Variants in FAM20C observed in about 807,000 individuals in gnomAD.
FAM20C encodes extracellular serine/threonine protein kinase FAM20C.
FAM20C carries 40 observed loss-of-function variants against 51.5 expected under a neutral mutation model. The observed-to-expected ratio is 0.78, with a 90% CI of 0.60 to 1.01. The LOEUF (loss-of-function observed/expected upper bound fraction) is 1.01, where lower values mean the gene tolerates loss of function less well. Among genes scored for constraint, FAM20C ranks in the 50% least tolerant of loss-of-function variants. The probability of loss-of-function intolerance (pLI) is 0.00; values close to 1 mark genes in which losing one functional copy is unlikely to be tolerated. For missense variants in FAM20C, 861 were observed against 844.7 expected (o/e 1.02, Z -0.24); for synonymous variants, 406 against 380.6 (o/e 1.07, Z -0.78).
intron 3 of FAM20C, among the ~76,000 whole-genome samples, chr7:212,184 C>T (rs564056923): frequency 1.3e-5 from 2 of 152,362 alleles, no homozygotes; most frequent in East Asian, 1.9e-4. Context: ...CTTTAAAGGC[C>T]GGGCACACTG....
At chr7:258,165 GTGGACCCA>G (rs1788697426) in intron 8 of FAM20C, among the ~76,000 whole-genome samples, 3 of 120,434 alleles carry the variant, frequency 2.5e-5, no homozygotes, top group East Asian at 2.5e-4. Flanking sequence ...GATAGGCAGG[GTGGACCCA>G]CTGCCTGAGG....
chr7:249,764 T>C (rs1788323772), intron 5 of FAM20C, among the ~76,000 whole-genome samples: 1 of 152,048 alleles, frequency 6.6e-6, no homozygotes, highest in Admixed American at 6.5e-5. Flanking sequence ...GAAAAGAAAC[T>C]GGCATTTGTG....
chr7:251,999 C>T (rs932237938), intron 5 of FAM20C, among the ~76,000 whole-genome samples: 2 of 152,214 alleles, frequency 1.3e-5, no homozygotes, highest in Admixed American at 1.3e-4. Flanking sequence ...CCGATTTCTT[C>T]CAGAAGCCTC....
chr7:196,957 C>G (rs548683811), intron 2 of FAM20C, among the ~76,000 whole-genome samples: 14 of 152,270 alleles, frequency 9.2e-5, no homozygotes, highest in Admixed American at 5.9e-4. Flanking sequence ...TCCAGGCCCC[C>G]CTCCGTGAAA....
chr7:253,166 C>T (rs1481522860), intron 5 of FAM20C, among the ~76,000 whole-genome samples: 1 of 152,228 alleles, frequency 6.6e-6, no homozygotes, highest in East Asian at 1.9e-4. Flanking sequence ...GCGATGGACC[C>T]AGTTCGGGCA....
chr7:230,382 G>GGGGAGC lies in FAM20C; in HGVS notation c.864-16029_864-16028insGCGGGA, dbSNP rs1554253388. On this transcript the variant is annotated intron_variant, in intron 3 of 9. Coordinates refer to ENST00000313766, the MANE Select transcript of FAM20C (RefSeq NM_020223.4). Reference sequence around the variant, plus strand: ...GTCCCCAGGACGGGGTGGGGGGGGGGGGGAACAGATCCCCGTGGCTTAAAG... The same window carrying GGGGAGC: ...GTCCCCAGGACGGGGTGGGGGGGGGGGGGAGCGGGAACAGATCCCCGTGGCTTAAAG... 1.5e-4 allele frequency among the ~76,000 whole-genome samples: 9 copies of GGGGAGC among 59,328 alleles called. 2 individuals are homozygous for GGGGAGC. Among genetic ancestry groups the GGGGAGC allele is most frequent in the South Asian group, 8.0e-4 (1 of 1,246 alleles). 38.9% of individuals were successfully genotyped at this position (59,328 alleles called of 152,430 possible).
intron 3 of FAM20C, among the ~76,000 whole-genome samples, chr7:217,061 G>A (rs1562376636): frequency 6.6e-6 from 1 of 152,126 alleles, no homozygotes; most frequent in Non-Finnish European, 1.5e-5. Flanking sequence ...GCACAGCTCC[G>A]GGGCCACAGC....
chr7:214,863 T>G (rs28455692), intron 3 of FAM20C, among the ~76,000 whole-genome samples: 2 of 151,944 alleles, frequency 1.3e-5, no homozygotes, highest in African/African-American at 4.8e-5. Context: ...CGGCTGCCCA[T>G]GACACTGGCT....
chr7:199,349 C>G (rs1467906872), intron 2 of FAM20C, among the ~76,000 whole-genome samples: 1 of 152,224 alleles, frequency 6.6e-6, no homozygotes, highest in Non-Finnish European at 1.5e-5. Flanking sequence ...CAGGGGTAGC[C>G]TTCAAAGGCC....
chr7:260,040 C>A lies in FAM20C; in HGVS notation c.*60C>A, dbSNP rs933794823. Reference sequence around the variant, plus strand: ...CAGAGGCGCCGGACCTCCCAGCAAGCGCATGCGCCCGTCGTGAATTCAGTG... The same window carrying A: ...CAGAGGCGCCGGACCTCCCAGCAAGAGCATGCGCCCGTCGTGAATTCAGTG... On this transcript the variant is annotated 3_prime_UTR_variant, in exon 10 of 10. Coordinates refer to ENST00000313766, the MANE Select transcript of FAM20C (RefSeq NM_020223.4). 2 of 1,441,764 alleles carry A rather than the reference C, an allele frequency of 1.4e-6. No homozygotes were observed. Among genetic ancestry groups the A allele is most frequent in the Non-Finnish European group, 1.8e-6 (2 of 1,095,782 alleles). The allele number at this position is 1,441,764 out of a possible 1,614,324, so 89.3% of individuals were successfully genotyped here. A position where few individuals can be genotyped will look rare whatever the true frequency, so the allele number is the denominator to read the frequency against.
At chr7:196,012 G>T (rs1785850355) in intron 2 of FAM20C, among the ~76,000 whole-genome samples, 1 of 152,240 alleles carries the variant, frequency 6.6e-6, no homozygotes, top group African/African-American at 2.4e-5. Flanking sequence ...GGTCCCGGGG[G>T]TGCCAACTGG....
chr7:200,274 G>T (rs1420868317), intron 2 of FAM20C, among the ~76,000 whole-genome samples: 1 of 134,236 alleles, frequency 7.4e-6, no homozygotes, highest in Non-Finnish European at 1.6e-5. Context: ...CCAGGGCCTC[G>T]CTCGGCCGGC....
At chr7:259,635 C>T (rs891187442) in intron 9 of FAM20C, 96 bp from the exon 10 acceptor site, 1 of 1,238,188 alleles carries the variant, frequency 8.1e-7, no homozygotes, top group Non-Finnish European at 1.0e-6. Flanking sequence ...TGTCTCTCCC[C>T]CCACTCTCTC....
At chr7:255,539 A>C (rs1788557090) in intron 5 of FAM20C, among the ~76,000 whole-genome samples, 1 of 152,126 alleles carries the variant, frequency 6.6e-6, no homozygotes, top group Non-Finnish European at 1.5e-5. Flanking sequence ...CACTTTCTTG[A>C]CAATATGAAT....
chr7:257,820 G>GAT (rs1788656065), intron 8 of FAM20C, among the ~76,000 whole-genome samples: 1 of 127,380 alleles, frequency 7.9e-6, no homozygotes, highest in Non-Finnish European at 1.7e-5. Flanking sequence ...CACTGCCCGG[G>GAT]GTGCTGGAGA....
chr7:236,623 A>C (rs1787855473), intron 3 of FAM20C, among the ~76,000 whole-genome samples: 1 of 152,090 alleles, frequency 6.6e-6, no homozygotes, highest in Non-Finnish European at 1.5e-5. Flanking sequence ...TGCTCCCCTC[A>C]TGGGCCAAGG....
At chr7:242,348 G>T (rs1562390069) in intron 3 of FAM20C, among the ~76,000 whole-genome samples, 1 of 152,158 alleles carries the variant, frequency 6.6e-6, no homozygotes, top group South Asian at 2.1e-4. Context: ...ATGCCCTTCT[G>T]CAGGCCTTGT....
At chr7:222,819 G>T (rs1032688324) in intron 3 of FAM20C, among the ~76,000 whole-genome samples, 1 of 152,134 alleles carries the variant, frequency 6.6e-6, no homozygotes, top group Non-Finnish European at 1.5e-5. Flanking sequence ...ATGTGTATGA[G>T]TGTGTAAGGG....
At chr7:248,279 C>T (rs1208565913) in intron 4 of FAM20C, 36 bp from the exon 5 acceptor site, 2 of 1,471,960 alleles carry the variant, frequency 1.4e-6, no homozygotes, top group Admixed American at 4.0e-5. Context: ...CTGAGCCGCA[C>T]AGAGCACAGA....
Sources: gnomAD v4.1 joint callset for allele counts (sites outside exome capture counted in the v4.1 genomes callset) on GRCh38, gnomAD v4.1.1 for gene constraint, MANE v1.5 for transcripts, NCBI Gene and HGNC (gene_info 2026-07-23, HGNC 2026-07-21) for gene names.